Variants in ZNF841 observed in about 807,000 individuals in gnomAD.
ZNF841 encodes TCONS_00006091.
A neutral mutation model predicts 13.0 loss-of-function variants in ZNF841; 11 were observed. The ratio of observed to expected loss-of-function variants is 0.85; its 90% CI spans 0.53 to 1.40. The LOEUF (loss-of-function observed/expected upper bound fraction) is 1.40, where lower values mean the gene tolerates loss of function less well. Ranked by LOEUF, ZNF841 falls within the 40% of genes most tolerant of loss-of-function variation. The probability of loss-of-function intolerance (pLI) is 0.00; values close to 1 mark genes in which losing one functional copy is unlikely to be tolerated. For synonymous variants in ZNF841, 369 were observed against 381.6 expected (o/e 0.97, Z 0.38); for missense variants, 1,068 against 1,139.5 (o/e 0.94, Z 0.90).
At chr19:52,094,212 A>G (rs2088598900) in intron 1 of ZNF841, 3 of 152,218 alleles carry the variant, frequency 2.0e-5, no homozygotes. Context: ...CAAAATGCAC[A>G]AGGCTTATAG....
chr19:52,067,197 C>G lies in ZNF841; in HGVS notation c.685G>C (p.Gly229Arg). Residue 229 changes from glycine to arginine, a missense_variant, in exon 7 of 7, where the codon GGT becomes CGT. Transcript: ENST00000594440. ...LASPLQRIFP[G>R]VQTNISRKYG... ...TTCCTAGAAATGTTGGTTTGGACAC[C>G]AGGAAAAATTCTTTGAAGTGGTGAA... 1 of 1,550,298 alleles carries G rather than the reference C, an allele frequency of 6.5e-7. No individual in the cohort carries two copies. Among genetic ancestry groups the G allele is most frequent in the South Asian group, 1.2e-5 (1 of 83,634 alleles).
chr19:52,068,610 A>G (rs1462989583), intron 6 of ZNF841, among the ~76,000 whole-genome samples: 6 of 149,192 alleles, frequency 4.0e-5, no homozygotes, highest in Non-Finnish European at 8.9e-5. Flanking sequence ...CAGGAGGCGG[A>G]GGTTGCAGTG....
downstream of ZNF841, among the ~76,000 whole-genome samples, chr19:52,060,961 C>G (rs1281888206): frequency 2.0e-5 from 3 of 152,150 alleles, no homozygotes; most frequent in Admixed American, 6.5e-5. Context: ...TTATTATTGC[C>G]TAAGTTGAGA....
At chr19:52,063,277 C>T (rs1049224943), downstream of ZNF841, among the ~76,000 whole-genome samples, 5 of 152,128 alleles carry the variant, frequency 3.3e-5, no homozygotes, top group Admixed American at 2.6e-4. Context: ...ATTAAAGGTC[C>T]TTCCATGTTA....
In ZNF841 at chr19:52,066,109, A is replaced by G; in HGVS notation, c.1773T>C (p.His591=). The G allele has an allele frequency of 1.2e-6, 2 of 1,614,174 alleles. No homozygotes were observed. The highest frequency in any genetic ancestry group is 1.7e-6 in the Non-Finnish European group (2 of 1,180,008). The part of the protein sequence containing the change: ...YSCLARHQRM[H]TGEKPYKCNV... ...TACATTTGTAAGGTTTCTCTCCGGT[A>G]TGCATTCTTTGATGACGTGCTAGGC... The change falls in exon 7 of 7, where the codon CAT becomes CAC. Residue 591 remains histidine (H), a synonymous_variant. Transcript: ENST00000594440.
chr19:52,059,451 TAGA>T, the ZNF841 span, among the ~76,000 whole-genome samples: 1 of 147,912 alleles, frequency 6.8e-6, no homozygotes, highest in African/African-American at 2.5e-5. Context: ...TATCAATATG[TAGA>T]AGGTCCCTTA....
intron 4 of ZNF841, among the ~76,000 whole-genome samples, chr19:52,081,576 G>A (rs546403354): frequency 1.3e-5 from 2 of 152,300 alleles, no homozygotes; most frequent in East Asian, 1.9e-4. Context: ...TCTAAGGCTG[G>A]GCACCGTGGC....
intron 3 of ZNF841, among the ~76,000 whole-genome samples, chr19:52,087,122 C>T (rs2088301199): frequency 6.6e-6 from 1 of 152,180 alleles, no homozygotes; most frequent in African/African-American, 2.4e-5. Context: ...TCAGTAAACA[C>T]TGTTTAAAGT....
At chr19:52,075,597 C>G (rs192873408) in intron 6 of ZNF841, among the ~76,000 whole-genome samples, 5 of 152,300 alleles carry the variant, frequency 3.3e-5, no homozygotes, top group Middle Eastern at 3.4e-3. Flanking sequence ...ATCTCCTGAC[C>G]AGCACTTTCA....
chr19:52,066,910 C>T lies in ZNF841; in HGVS notation c.972G>A (p.Arg324=), dbSNP rs750571746. 13 of 1,614,038 alleles carry T rather than the reference C, an allele frequency of 8.1e-6. No individual in the cohort carries two copies. In the South Asian group the frequency reaches 9.9e-5, roughly 12 times the overall value. ...GKPYQCDVCG[R]IFRQNSDLVN... is the part of the protein sequence containing the mutation. The stretch of plus-strand genomic sequence containing the variant: ...CAAGATCTGAATTTTGTCTGAAGAT[C>T]CTGCCACATACATCACATTGGTATG... The change falls in exon 7 of 7, where the codon AGG becomes AGA. Residue 324 remains arginine (R), a synonymous_variant. Coordinates refer to ENST00000594440, the MANE Select transcript of ZNF841 (RefSeq NM_001136499.2).
downstream of ZNF841, among the ~76,000 whole-genome samples, chr19:52,061,053 C>T (rs2087388074): frequency 1.3e-5 from 2 of 152,140 alleles, no homozygotes; most frequent in Admixed American, 1.3e-4. Context: ...CAAAGTGGTG[C>T]CAGCACCCAT....
At position 52,076,056 on chromosome 19, in the gene ZNF841, C is replaced by A. The variant is rs1286458956; in HGVS notation, c.259G>T (p.Gly87Cys). ...TCTGAGCTCTTACCGGTGATCACGC[C>A]TTTCATGCATTCCCCACAGTTTGGG... ...RNPNCGECMK[G>C]VITGISPKCV... is the part of the protein sequence containing the mutation. Residue 87 changes from glycine (G) to cysteine (C), a missense_variant, in exon 6 of 7, where the codon GGC becomes TGC. By Grantham distance (159) the Gly-to-Cys change is radical. Coordinates refer to ENST00000594440, the MANE Select transcript of ZNF841 (RefSeq NM_001136499.2). 1 of 1,552,736 alleles carries A rather than the reference C, an allele frequency of 6.4e-7. No homozygotes were observed. Among genetic ancestry groups the A allele is most frequent in the East Asian group, 2.4e-5 (1 of 41,032 alleles).
chr19:52,073,687 G>C (rs995904049), intron 6 of ZNF841, among the ~76,000 whole-genome samples: 5 of 152,160 alleles, frequency 3.3e-5, no homozygotes, highest in Non-Finnish European at 7.3e-5. Flanking sequence ...ATAAATAGTA[G>C]AGAAGTCCCT....
At chr19:52,063,237 A>C (rs1281015387), downstream of ZNF841, among the ~76,000 whole-genome samples, 1 of 152,134 alleles carries the variant, frequency 6.6e-6, no homozygotes, top group East Asian at 1.9e-4. Flanking sequence ...CAGTATGAAT[A>C]ATTTGGTAAA....
intron 3 of ZNF841, among the ~76,000 whole-genome samples, chr19:52,087,700 G>A (rs372664080): frequency 3.9e-5 from 6 of 151,994 alleles, no homozygotes; most frequent in African/African-American, 9.7e-5. Flanking sequence ...AAAATAAACA[G>A]AGAGGCCCGG....
chr19:52,066,755 T>G lies in ZNF841; in HGVS notation c.1127A>C (p.Asn376Thr), dbSNP rs748988746. 9.3e-6 allele frequency: 15 copies of G among 1,612,998 alleles called. No individual in the cohort carries two copies. Among genetic ancestry groups the G allele is most frequent in the Admixed American group, 8.4e-5 (5 of 59,806 alleles). Residue 376 changes from asparagine to threonine, a missense_variant, in exon 7 of 7, where the codon AAT becomes ACT. By Grantham distance (65) the Asn-to-Thr change is moderately conservative (BLOSUM62 0). Transcript: ENST00000594440. ...TTGACTAAAGCACTTCCCACATCGA[T>G]TACATTTGTAAGGTTTCTCTCCAGT... ...IHTGEKPYKC[N>T]RCGKCFSQSS... is the part of the protein sequence containing the mutation.
At chr19:52,085,687 A>T (rs926190528) in intron 3 of ZNF841, among the ~76,000 whole-genome samples, 1 of 152,212 alleles carries the variant, frequency 6.6e-6, no homozygotes, top group Non-Finnish European at 1.5e-5. Flanking sequence ...AGAGGCCCTG[A>T]GGCAGGAGCA....
chr19:52,071,555 T>C (rs574988971), intron 6 of ZNF841, among the ~76,000 whole-genome samples: 2 of 152,326 alleles, frequency 1.3e-5, no homozygotes, highest in Admixed American at 1.3e-4. Flanking sequence ...ACGATGAAAG[T>C]ATCCTGGGAT....
At chr19:52,078,700 G>GAA (rs57446208) in intron 4 of ZNF841, among the ~76,000 whole-genome samples, 9 of 104,548 alleles carry the variant, frequency 8.6e-5, no homozygotes, top group East Asian at 2.9e-4. Flanking sequence ...CTCCATCTCG[G>GAA]AAAAAAAAAA....
Sources: allele counts gnomAD v4.1 joint callset (sites outside exome capture counted in the v4.1 genomes callset), GRCh38; gene constraint gnomAD v4.1.1; transcripts MANE v1.5; gene names NCBI Gene and HGNC (gene_info 2026-07-23, HGNC 2026-07-21).